The following MGST1 variants were observed in gnomAD, a reference collection of about 807,000 sequenced individuals.
MGST1 encodes the protein glutathione S-transferase 12.
A neutral mutation model predicts 8.9 loss-of-function variants in MGST1; 5 were observed. The ratio of observed to expected loss-of-function variants is 0.56; its 90% CI spans 0.29 to 1.19. The LOEUF is 1.19. Ranked by LOEUF, MGST1 falls within the 50% of genes most tolerant of loss-of-function variation. MGST1 has a pLI of 0.08. For synonymous variants in MGST1, 54 were observed against 67.8 expected (o/e 0.80, Z 1.00); for missense variants, 182 against 187.4 (o/e 0.97, Z 0.17).
At chr12:16,373,421 C>T (rs1380714473) in intron 3 of MGST1, among the ~76,000 whole-genome samples, 1 of 151,600 alleles carries the variant, frequency 6.6e-6, no homozygotes, top group Non-Finnish European at 1.5e-5. Flanking sequence ...GTGTTCCTAA[C>T]ACAAAGAAAT....
At chr12:16,415,523 A>G (rs555840295) in intron 1 of MGST1, among the ~76,000 whole-genome samples, 52 of 152,370 alleles carry the variant, frequency 3.4e-4, no homozygotes, top group African/African-American at 1.2e-3. Context: ...AACCAGGATC[A>G]AGACCTTTGC....
intron 4 of MGST1, among the ~76,000 whole-genome samples, chr12:16,445,887 A>G (rs567315645): frequency 7.2e-5 from 11 of 152,072 alleles, no homozygotes; most frequent in African/African-American, 1.7e-4. Flanking sequence ...ATTAGCTTCA[A>G]TTTACTAACT....
intron 1 of MGST1, chr12:16,402,344 T>A: frequency 6.2e-7 from 1 of 1,600,834 alleles, no homozygotes. Flanking sequence ...GGCATACTCA[T>A]CTTCTCCTTT....
At chr12:16,418,537 A>G (rs1367742452) in intron 1 of MGST1, among the ~76,000 whole-genome samples, 1 of 152,174 alleles carries the variant, frequency 6.6e-6, no homozygotes, top group Non-Finnish European at 1.5e-5. Context: ...AACCAAACTC[A>G]GTTCCCTCAC....
chr12:16,383,667 G>A (rs1217607582), intron 1 of MGST1: 3 of 152,148 alleles, frequency 2.0e-5, no homozygotes, highest in African/African-American at 4.8e-5. Context: ...CTCAATGCTG[G>A]TCAGGCTGGT....
At chr12:16,501,340 C>T (rs1941505334) in intron 4 of MGST1, among the ~76,000 whole-genome samples, 1 of 152,172 alleles carries the variant, frequency 6.6e-6, no homozygotes, top group Non-Finnish European at 1.5e-5. Flanking sequence ...TAAGCTAGAA[C>T]AGAATATATA....
At position 16,401,790 on chromosome 12, in the gene MGST1, T is replaced by G. The variant is rs1159957629; in HGVS notation, n.778+18186T>G. ...CTCAGCCAGTTTGCTGTGTCAAACT[T>G]TCTCATCTGCATCAACTATTTCCAT... On this transcript the variant is annotated intron_variant and non_coding_transcript_variant, in intron 1 of 1. Coordinates refer to the MGST1 transcript ENST00000359720. The surrounding 1 kb of genome is among the most constrained non-coding windows in gnomAD (Gnocchi z 4.3). 5.0e-6 allele frequency: 8 copies of G among 1,603,028 alleles called. No individual in the cohort carries two copies. The highest frequency in any genetic ancestry group is 6.8e-6 in the Non-Finnish European group (8 of 1,169,964).
rs1056773948 is a variant in MGST1 at position 16,582,332 on chromosome 12, T to G, written n.483-7196T>G. 2.6e-5 allele frequency among the ~76,000 whole-genome samples: 4 copies of G among 152,232 alleles called. No homozygotes were observed. Among genetic ancestry groups the G allele is most frequent in the Non-Finnish European group, 5.9e-5 (4 of 68,028 alleles). On this transcript the variant is annotated intron_variant and non_coding_transcript_variant, in intron 4 of 4. Transcript: ENST00000538857. This position sits in a 1 kb window ranked among gnomAD's most constrained non-coding sequence, Gnocchi z 4.1. Reference sequence around the variant, plus strand: ...TGAATTCTAGAAAACATCTTACCTGTTCCTATAGTATTATTCATTTTAGAC... The same window carrying G: ...TGAATTCTAGAAAACATCTTACCTGGTCCTATAGTATTATTCATTTTAGAC...
In MGST1 at chr12:16,348,354, C is replaced by T. The variant is rs4149188; in HGVS notation, c.-23+644C>T. Among the ~76,000 whole-genome samples, 349 of 152,298 alleles carry T rather than the reference C, an allele frequency of 2.3e-3. 5 individuals are homozygous for T. In the East Asian group the frequency reaches 0.049, roughly 21 times the overall value. ...GTGAGCCCCTTGGGACGGTTCTCACCTGTGCCCCACTTCCCCAGTCTGGAG... is the reference window on the plus strand; with the variant it reads ...GTGAGCCCCTTGGGACGGTTCTCACTTGTGCCCCACTTCCCCAGTCTGGAG... On this transcript the variant is annotated intron_variant, in intron 1 of 3. Coordinates refer to ENST00000396210, the MANE Select transcript of MGST1 (RefSeq NM_020300.5).
At position 16,586,295 on chromosome 12, in the gene MGST1, A is replaced by G. The variant is rs893738186; in HGVS notation, n.483-3233A>G. Among the ~76,000 whole-genome samples the G allele has an allele frequency of 6.6e-6, 1 of 152,216 alleles. No individual in the cohort carries two copies. ...CAAGAACACAGAGTGTTAAGATGTC[A>G]TGATACGATGAAGTCCACATACGGA... On this transcript the variant is annotated intron_variant and non_coding_transcript_variant, in intron 4 of 4. Transcript: ENST00000538857. This position sits in a 1 kb window ranked among gnomAD's most constrained non-coding sequence, Gnocchi z 4.3.
At position 16,548,659 on chromosome 12, in the gene MGST1, C is replaced by G. The variant is rs927101342; in HGVS notation, n.483-40869C>G. On this transcript the variant is annotated intron_variant and non_coding_transcript_variant, in intron 4 of 4. Coordinates refer to the MGST1 transcript ENST00000538857. This position sits in a 1 kb window ranked among gnomAD's most constrained non-coding sequence, Gnocchi z 4.2. ...TAAATGACGTTAGGGCTACACAACA[C>G]AAAGGGGAAAGTTGACAACAATTCA... 5.9e-5 allele frequency: 9 copies of G among 152,092 alleles called. No individual in the cohort carries two copies. Among genetic ancestry groups the G allele is most frequent in the Admixed American group, 5.2e-4 (8 of 15,256 alleles). The allele number at this position is 152,092 out of a possible 1,614,324, so 9.4% of individuals were successfully genotyped here.
At chr12:16,590,759 T>C (rs1943468602), downstream of MGST1, among the ~76,000 whole-genome samples, 1 of 152,054 alleles carries the variant, frequency 6.6e-6, no homozygotes, top group Non-Finnish European at 1.5e-5. Context: ...AGATATTCCA[T>C]TTGCCATATT....
At chr12:16,579,634 C>T (rs1175713425) in intron 4 of MGST1, among the ~76,000 whole-genome samples, 1 of 152,168 alleles carries the variant, frequency 6.6e-6, no homozygotes, top group African/African-American at 2.4e-5. Context: ...TAGTTGAAGT[C>T]TTACTCAGTA....
At chr12:16,455,291 GAT>G (rs1941164022) in intron 4 of MGST1, among the ~76,000 whole-genome samples, 1 of 151,838 alleles carries the variant, frequency 6.6e-6, no homozygotes, top group Non-Finnish European at 1.5e-5. Flanking sequence ...ACAAATTTAT[GAT>G]ATGAGTACTA....
intron 4 of MGST1, among the ~76,000 whole-genome samples, chr12:16,472,810 C>T (rs746224950): frequency 3.3e-5 from 5 of 152,108 alleles, no homozygotes; most frequent in African/African-American, 4.8e-5. Context: ...TGGCGTTGTA[C>T]TGAACTGGCA....
At position 16,458,813 on chromosome 12, in the gene MGST1, G is replaced by A. The variant is rs1447204494; in HGVS notation, n.482+75209G>A. On this transcript the variant is annotated intron_variant and non_coding_transcript_variant, in intron 4 of 4. Transcript: ENST00000538857. This position sits in a 1 kb window ranked among gnomAD's most constrained non-coding sequence, Gnocchi z 4.0. ...TTTTATTCTTCTTTATTAGATACAA[G>A]GTTTCCCTCCATCAAGGTTAAGTAC... Among the ~76,000 whole-genome samples the A allele has an allele frequency of 3.3e-5, 5 of 152,092 alleles. No homozygotes were observed. In the East Asian group the frequency reaches 9.7e-4, roughly 30 times the overall value.
At chr12:16,501,557 G>A (rs1334816415) in intron 4 of MGST1, among the ~76,000 whole-genome samples, 1 of 152,144 alleles carries the variant, frequency 6.6e-6, no homozygotes, top group Non-Finnish European at 1.5e-5. Flanking sequence ...AACAATGAAG[G>A]CTTATATTTG....
downstream of MGST1, among the ~76,000 whole-genome samples, chr12:16,366,628 T>TACAC (rs374809283): frequency 0.32 from 26,696 of 83,356 alleles, 3,003 homozygotes; most frequent in Middle Eastern, 0.39. This position sits in a 1 kb window ranked among gnomAD's most constrained non-coding sequence, Gnocchi z 4.0. Flanking sequence ...TATCTGTGTG[T>TACAC]ACACACACAC....
intron 4 of MGST1, among the ~76,000 whole-genome samples, chr12:16,519,721 T>G (rs897113572): frequency 1.3e-5 from 2 of 152,210 alleles, no homozygotes; most frequent in Non-Finnish European, 2.9e-5. Flanking sequence ...ATCCTCTGCT[T>G]CATACCTCTT....
Sources: allele counts gnomAD v4.1 joint callset (sites outside exome capture counted in the v4.1 genomes callset), GRCh38; gene constraint gnomAD v4.1.1; non-coding constraint Gnocchi (gnomAD v3.1); transcripts MANE v1.5; gene names NCBI Gene and HGNC (gene_info 2026-07-23, HGNC 2026-07-21).